The following COL4A2 variants were observed in gnomAD, a reference collection of about 807,000 sequenced individuals.
The protein encoded by COL4A2 is collagen alpha-2(IV) chain.
In COL4A2, 99 loss-of-function variants were observed where a neutral mutation model predicts 200.2. The observed-to-expected ratio is 0.49, with a 90% CI of 0.42 to 0.58. The LOEUF (loss-of-function observed/expected upper bound fraction) is 0.58. Ranked by LOEUF, COL4A2 falls within the 20% of genes least tolerant of loss-of-function variation. The probability of loss-of-function intolerance (pLI) is 0.00; values close to 1 mark genes in which losing one functional copy is unlikely to be tolerated. For synonymous variants in COL4A2, 897 were observed against 900.6 expected (o/e 1.00, Z 0.07); for missense variants, 1,950 against 2,314.1 (o/e 0.84, Z 3.23).
chr13:110,497,283 C>A (rs1234786232), intron 40 of COL4A2, among the ~76,000 whole-genome samples: 2 of 149,032 alleles, frequency 1.3e-5, no homozygotes, highest in African/African-American at 5.0e-5. Flanking sequence ...GGGTGAGGAT[C>A]TAGGTCAATC....
At chr13:110,471,694 C>G (rs1442563090) in intron 28 of COL4A2, among the ~76,000 whole-genome samples, 1 of 152,200 alleles carries the variant, frequency 6.6e-6, no homozygotes, top group Non-Finnish European at 1.5e-5. Flanking sequence ...CCAGTTACTC[C>G]CAGCTCCCAG....
intron 4 of COL4A2, among the ~76,000 whole-genome samples, chr13:110,424,027 C>G (rs1880363006): frequency 6.6e-6 from 1 of 152,080 alleles, no homozygotes; most frequent in African/African-American, 2.4e-5. Context: ...CCAAAGCTAG[C>G]CCCTGCTTTC....
chr13:110,404,049 C>A (rs909027946), intron 4 of COL4A2, among the ~76,000 whole-genome samples: 2 of 152,138 alleles, frequency 1.3e-5, no homozygotes, highest in African/African-American at 4.8e-5. Flanking sequence ...CAGGGCTGTA[C>A]CCCCAGGACC....
chr13:110,470,046 C>G (rs868141703), intron 28 of COL4A2, among the ~76,000 whole-genome samples: 1 of 151,416 alleles, frequency 6.6e-6, no homozygotes, highest in African/African-American at 2.4e-5. Context: ...TCCTGAGTAG[C>G]TGGGATTACA....
chr13:110,438,431 C>T lies in COL4A2; in HGVS notation c.862-187C>T. 4 of 778,300 alleles carry T rather than the reference C, an allele frequency of 5.1e-6. No homozygotes were observed. The South Asian group carries it at 5.8e-5, about 11-fold the overall frequency. The allele number at this position is 778,300 out of a possible 1,614,324, so 48.2% of individuals were successfully genotyped here. On this transcript the variant is annotated intron_variant, in intron 14 of 47. Transcript: ENST00000360467. The stretch of plus-strand genomic sequence containing the variant: ...ACATGCAGTCCTGGATGGGTGACAG[C>T]CCGGGAAGGCTGGCGGGTCTCCTAG...
At chr13:110,401,774 T>G (rs932237878) in intron 4 of COL4A2, among the ~76,000 whole-genome samples, 5 of 152,174 alleles carry the variant, frequency 3.3e-5, no homozygotes, top group Non-Finnish European at 5.9e-5. Flanking sequence ...TGACAGAAAT[T>G]TATTTCTCAC....
intron 3 of COL4A2, among the ~76,000 whole-genome samples, chr13:110,321,208 G>GTA (rs564904701): frequency 0.34 from 50,111 of 146,162 alleles, 8,483 homozygotes; most frequent in Non-Finnish European, 0.37. Context: ...GTGTCTGTGT[G>GTA]TATATATATA....
chr13:110,442,568 G>T (rs1250655466), intron 16 of COL4A2, among the ~76,000 whole-genome samples: 2 of 152,222 alleles, frequency 1.3e-5, no homozygotes, highest in Non-Finnish European at 2.9e-5. Flanking sequence ...AACCAGAAAA[G>T]AAAAGATATC....
At chr13:110,332,014 T>C (rs1229522725) in intron 3 of COL4A2, among the ~76,000 whole-genome samples, 1 of 152,254 alleles carries the variant, frequency 6.6e-6, no homozygotes, top group Admixed American at 6.5e-5. Context: ...CAATTTTTTA[T>C]GGTTAGTGTT....
At position 110,412,670 on chromosome 13, in the gene COL4A2, T is replaced by C. The variant is rs374526150; in HGVS notation, c.181-12064T>C. Among the ~76,000 whole-genome samples the C allele has an allele frequency of 5.9e-4, 90 of 152,346 alleles. No homozygotes were observed. The East Asian group carries it at 0.014, about 24-fold the overall frequency. ...CGCCCCTGAGTCACAGTAGTTGCCC[T>C]GAATTGCTTACGCAGGTCTGGCTTA... On this transcript the variant is annotated intron_variant, in intron 4 of 47. Coordinates refer to ENST00000360467, the MANE Select transcript of COL4A2 (RefSeq NM_001846.4).
At chr13:110,364,400 A>G (rs996470363) in intron 4 of COL4A2, among the ~76,000 whole-genome samples, 1 of 152,132 alleles carries the variant, frequency 6.6e-6, no homozygotes, top group African/African-American at 2.4e-5. Flanking sequence ...CAAATCCTCA[A>G]TGGTGTTATA....
At chr13:110,364,455 G>A (rs1432184647) in intron 4 of COL4A2, among the ~76,000 whole-genome samples, 6 of 152,190 alleles carry the variant, frequency 3.9e-5, no homozygotes, top group African/African-American at 1.2e-4. Context: ...GTGGGATGGC[G>A]AGTGGAGGAG....
At position 110,413,028 on chromosome 13, in the gene COL4A2, A is replaced by G. The variant is rs570568667; in HGVS notation, c.181-11706A>G. 1.2e-3 allele frequency among the ~76,000 whole-genome samples: 179 copies of G among 152,278 alleles called. 1 individual carries two copies. Among genetic ancestry groups the G allele is most frequent in the African/African-American group, 4.1e-3 (170 of 41,554 alleles). On this transcript the variant is annotated intron_variant, in intron 4 of 47. Transcript: ENST00000360467. Reference sequence around the variant, plus strand: ...GCTTGGAGAAGAGTTGAGATTGCGGATGATGTTTTCCGGTAGATGAAGGTG... The same window carrying G: ...GCTTGGAGAAGAGTTGAGATTGCGGGTGATGTTTTCCGGTAGATGAAGGTG...
chr13:110,489,668 A>G (rs372101657), intron 35 of COL4A2, 43 bp from the exon 36 acceptor site: 23 of 1,612,056 alleles, frequency 1.4e-5, no homozygotes, highest in Non-Finnish European at 1.8e-5. Context: ...ACAAAGTCCC[A>G]GTGGAAAGTC....
intron 3 of COL4A2, among the ~76,000 whole-genome samples, chr13:110,332,040 A>C (rs1482338537): frequency 6.6e-6 from 1 of 152,224 alleles, no homozygotes; most frequent in Admixed American, 6.5e-5. Flanking sequence ...AAGCTCATTC[A>C]TTAATTCTAA....
chr13:110,491,553 A>G (rs774177764), intron 37 of COL4A2, among the ~76,000 whole-genome samples: 11 of 152,194 alleles, frequency 7.2e-5, no homozygotes, highest in Non-Finnish European at 1.5e-4. Context: ...GGAGAGAAGC[A>G]TGGGGGTGAA....
At chr13:110,393,429 T>C (rs1594188771) in intron 4 of COL4A2, among the ~76,000 whole-genome samples, 2 of 152,328 alleles carry the variant, frequency 1.3e-5, no homozygotes, top group East Asian at 3.9e-4. Context: ...CAGTATAATG[T>C]AAGGCTATAT....
intron 3 of COL4A2, among the ~76,000 whole-genome samples, chr13:110,349,666 C>A (rs1291648819): frequency 6.6e-6 from 1 of 152,198 alleles, no homozygotes; most frequent in Non-Finnish European, 1.5e-5. Context: ...TTTATTCTTC[C>A]AGAGGTAAAA....
At chr13:110,364,752 G>C (rs1041421301) in intron 4 of COL4A2, among the ~76,000 whole-genome samples, 3 of 152,064 alleles carry the variant, frequency 2.0e-5, no homozygotes, top group Admixed American at 2.0e-4. Context: ...TTTGCTATGA[G>C]TTTCCTGTCT....
Sources: allele counts gnomAD v4.1 joint callset (sites outside exome capture counted in the v4.1 genomes callset), GRCh38; gene constraint gnomAD v4.1.1; transcripts MANE v1.5; gene names NCBI Gene and HGNC (gene_info 2026-07-23, HGNC 2026-07-21).